Variants in PELI1 observed in about 807,000 individuals in gnomAD.
PELI1 encodes the protein pellino E3 ubiquitin protein ligase 1, also known as E3 ubiquitin-protein ligase pellino homolog 1.
PELI1 carries 15 observed loss-of-function variants against 41.3 expected under a neutral mutation model. The observed-to-expected ratio is 0.36, with a 90% CI of 0.24 to 0.56. The LOEUF (loss-of-function observed/expected upper bound fraction) is 0.56, where lower values mean the gene tolerates loss of function less well. Ranked by LOEUF, PELI1 falls within the 20% of genes least tolerant of loss-of-function variation. The pLI, the probability that PELI1 is intolerant of heterozygous loss-of-function variation, is 0.82. For synonymous variants in PELI1, 178 were observed against 180.1 expected, an observed-to-expected ratio of 0.99 and a Z score of 0.09; for missense variants, 403 against 525.5, an observed-to-expected ratio of 0.77 and a Z score of 2.28.
intron 2 of PELI1, chr2:64,106,108 T>C (rs1172541153): frequency 6.6e-6 from 1 of 152,246 alleles, no homozygotes; most frequent in East Asian, 1.9e-4. Context: ...AGCTAATAAT[T>C]ATTTTAGCTA....
intron 3 of PELI1, among the ~76,000 whole-genome samples, chr2:64,101,645 T>G (rs1418034158): frequency 6.6e-6 from 1 of 152,158 alleles, no homozygotes; most frequent in East Asian, 1.9e-4. Flanking sequence ...TCATAAGCTT[T>G]TACTTGGTTT....
chr2:64,133,036 G>C (rs1681603499), intron 1 of PELI1, among the ~76,000 whole-genome samples: 1 of 152,060 alleles, frequency 6.6e-6, no homozygotes, highest in Admixed American at 6.5e-5. Flanking sequence ...TTTATTTCTT[G>C]GTCTAGAATT....
intron 1 of PELI1, among the ~76,000 whole-genome samples, chr2:64,127,222 C>T (rs1681419402): frequency 6.6e-6 from 1 of 152,150 alleles, no homozygotes; most frequent in African/African-American, 2.4e-5. Context: ...AAGCACAAGA[C>T]CTGTTAAATT....
At chr2:64,114,859 AACC>A (rs1163884874) in intron 1 of PELI1, among the ~76,000 whole-genome samples, 4 of 152,164 alleles carry the variant, frequency 2.6e-5, no homozygotes, top group Admixed American at 6.5e-5. Flanking sequence ...ACCTTGTGAG[AACC>A]ACTGCTCTAA....
At chr2:64,110,925 C>G (rs1480563054) in intron 1 of PELI1, among the ~76,000 whole-genome samples, 1 of 63,722 alleles carries the variant, frequency 1.6e-5, no homozygotes, top group East Asian at 2.3e-4. Flanking sequence ...GACTCCATTT[C>G]AAAATATATA....
At chr2:64,115,307 A>G (rs1405649766) in intron 1 of PELI1, among the ~76,000 whole-genome samples, 2 of 152,320 alleles carry the variant, frequency 1.3e-5, no homozygotes, top group African/African-American at 2.4e-5. Flanking sequence ...TAAGGGGCCC[A>G]TATTTAGAAA....
At chr2:64,125,629 G>C (rs1443996069) in intron 1 of PELI1, among the ~76,000 whole-genome samples, 2 of 152,118 alleles carry the variant, frequency 1.3e-5, no homozygotes, top group African/African-American at 4.8e-5. Flanking sequence ...TAATTACCTA[G>C]CCTGTCCCTC....
chr2:64,098,407 A>G (rs1680313705), intron 4 of PELI1, among the ~76,000 whole-genome samples: 1 of 152,334 alleles, frequency 6.6e-6, no homozygotes, highest in Non-Finnish European at 1.5e-5. Context: ...CTATTTGTGT[A>G]TACAAGCTAC....
At chr2:64,143,789 C>A (rs1682002625) in intron 1 of PELI1, among the ~76,000 whole-genome samples, 1 of 151,972 alleles carries the variant, frequency 6.6e-6, no homozygotes, top group Non-Finnish European at 1.5e-5. Flanking sequence ...GCAGCCGGAG[C>A]GCGCGGCCAG....
chr2:64,105,649 C>T (rs1227295933), intron 2 of PELI1, among the ~76,000 whole-genome samples: 1 of 152,148 alleles, frequency 6.6e-6, no homozygotes, highest in Non-Finnish European at 1.5e-5. Flanking sequence ...AGGAAACAGA[C>T]TCAGAAGAAT....
intron 1 of PELI1, among the ~76,000 whole-genome samples, chr2:64,117,730 T>A (rs1390172080): frequency 6.6e-6 from 1 of 152,008 alleles, no homozygotes; most frequent in Non-Finnish European, 1.5e-5. Context: ...CTTATGAGAG[T>A]TCTAATTTTC....
chr2:64,125,098 C>A (rs1313820384), intron 1 of PELI1, among the ~76,000 whole-genome samples: 7 of 138,332 alleles, frequency 5.1e-5, no homozygotes, highest in Admixed American at 4.4e-4. Flanking sequence ...GGGGCGGGGG[C>A]GCGGGGAGGG....
At chr2:64,101,733 A>C (rs1444483960) in intron 3 of PELI1, among the ~76,000 whole-genome samples, 1 of 152,180 alleles carries the variant, frequency 6.6e-6, no homozygotes, top group African/African-American at 2.4e-5. Context: ...ATATACAAAG[A>C]GAATACAGAA....
intron 1 of PELI1, among the ~76,000 whole-genome samples, chr2:64,141,941 G>A (rs971887142): frequency 5.9e-5 from 9 of 152,268 alleles, no homozygotes; most frequent in African/African-American, 1.9e-4. Flanking sequence ...AATCTGGCTT[G>A]AAAATACCAC....
intron 1 of PELI1, among the ~76,000 whole-genome samples, chr2:64,114,009 A>T (rs926506184): frequency 2.0e-5 from 3 of 152,214 alleles, no homozygotes; most frequent in African/African-American, 7.2e-5. Context: ...AGCAAGGGAC[A>T]AAACAAATCT....
chr2:64,104,074 C>G (rs1345085783), intron 3 of PELI1, among the ~76,000 whole-genome samples: 1 of 152,100 alleles, frequency 6.6e-6, no homozygotes, highest in Admixed American at 6.5e-5. Context: ...TACAAGGGGG[C>G]TAGAAGCATG....
intron 1 of PELI1, among the ~76,000 whole-genome samples, chr2:64,114,537 G>A (rs1009498227): frequency 6.6e-6 from 1 of 152,176 alleles, no homozygotes; most frequent in African/African-American, 2.4e-5. Flanking sequence ...GACACCACCT[G>A]TGTAAATTCC....
intron 1 of PELI1, among the ~76,000 whole-genome samples, chr2:64,109,465 G>GA (rs1384603215): frequency 1.3e-5 from 2 of 152,174 alleles, no homozygotes. Flanking sequence ...CGGATCACTT[G>GA]AGGTTGGGAG....
intron 1 of PELI1, among the ~76,000 whole-genome samples, chr2:64,141,686 C>G (rs1009226811): frequency 6.6e-6 from 1 of 152,190 alleles, no homozygotes; most frequent in African/African-American, 2.4e-5. Context: ...CCAGAAGAGG[C>G]TGAACTTAAA....
Sources: allele counts gnomAD v4.1 joint callset (sites outside exome capture counted in the v4.1 genomes callset), GRCh38; gene constraint gnomAD v4.1.1; transcripts MANE v1.5; gene names NCBI Gene and HGNC (gene_info 2026-07-23, HGNC 2026-07-21).